HSD17B12: variants seen among roughly 807,000 people sequenced by gnomAD.
The protein encoded by HSD17B12 is hydroxysteroid 17-beta dehydrogenase 12.
HSD17B12 carries 32 observed loss-of-function variants against 39.3 expected under a neutral mutation model. The observed-to-expected ratio is 0.81, with a 90% confidence interval of 0.61 to 1.09. The LOEUF (loss-of-function observed/expected upper bound fraction) is 1.09, where lower values mean the gene tolerates loss of function less well. Ranked by LOEUF, HSD17B12 falls within the 50% of genes least tolerant of loss-of-function variation. HSD17B12 has a pLI of 0.00. For missense variants in HSD17B12, 342 were observed against 382.9 expected (o/e 0.89, Z 0.89); for synonymous variants, 150 against 146.7 (o/e 1.02, Z -0.16).
the HSD17B12 span, among the ~76,000 whole-genome samples, chr11:43,634,056 A>G: frequency 8.3e-6 from 1 of 121,154 alleles, no homozygotes; most frequent in Non-Finnish European, 1.6e-5. Flanking sequence ...CCTGGGCAAC[A>G]AGAGCAAAAA....
intron 3 of HSD17B12, among the ~76,000 whole-genome samples, chr11:43,788,685 CAAAAAAAAAA>C (rs57970272): frequency 2.0e-5 from 2 of 100,916 alleles, no homozygotes; most frequent in African/African-American, 4.1e-5. Context: ...TTTCCTTCCT[CAAAAAAAAAA>C]AAAAAAAAAA....
chr11:43,741,183 A>T (rs1478913812), intron 1 of HSD17B12, among the ~76,000 whole-genome samples: 2 of 152,222 alleles, frequency 1.3e-5, no homozygotes, highest in Non-Finnish European at 2.9e-5. Context: ...ACATTGATTA[A>T]TATTTTTAAA....
chr11:43,669,656 A>G, the HSD17B12 span, among the ~76,000 whole-genome samples: 1 of 152,132 alleles, frequency 6.6e-6, no homozygotes. Flanking sequence ...GGCCATTTTG[A>G]ACGTTCCTTG....
At chr11:43,780,380 C>G (rs570284631) in intron 3 of HSD17B12, among the ~76,000 whole-genome samples, 1 of 152,236 alleles carries the variant, frequency 6.6e-6, no homozygotes, top group South Asian at 2.1e-4. Flanking sequence ...GTTGACCAGG[C>G]TGATCTCAAA....
chr11:43,852,313 G>A (rs1346907721), intron 9 of HSD17B12: 3 of 152,272 alleles, frequency 2.0e-5, no homozygotes, highest in Non-Finnish European at 2.9e-5. Context: ...TGTTACATAC[G>A]AAGGGAGGGA....
chr11:43,757,458 C>A (rs1950516208), intron 3 of HSD17B12, among the ~76,000 whole-genome samples: 1 of 149,846 alleles, frequency 6.7e-6, no homozygotes, highest in South Asian at 2.1e-4. Context: ...AAGGTGAAAC[C>A]CCGTCTCTAC....
At chr11:43,706,657 A>G (rs1273109535) in intron 1 of HSD17B12, among the ~76,000 whole-genome samples, 1 of 148,516 alleles carries the variant, frequency 6.7e-6, no homozygotes, top group Non-Finnish European at 1.5e-5. Context: ...GAGATTCAGT[A>G]ACTTAGTCAA....
chr11:43,721,511 C>T (rs373772612), intron 1 of HSD17B12, among the ~76,000 whole-genome samples: 1 of 151,998 alleles, frequency 6.6e-6, no homozygotes, highest in Non-Finnish European at 1.5e-5. Context: ...CCCAGCTACT[C>T]GGGAGGCTAA....
chr11:43,712,619 C>A (rs577936114), intron 1 of HSD17B12, among the ~76,000 whole-genome samples: 1 of 152,032 alleles, frequency 6.6e-6, no homozygotes, highest in Non-Finnish European at 1.5e-5. Context: ...GTAAATCTTA[C>A]GTGTATTGAT....
chr11:43,640,179 G>A, the HSD17B12 span, among the ~76,000 whole-genome samples: 1 of 151,882 alleles, frequency 6.6e-6, no homozygotes. Context: ...TTAGAAAACT[G>A]GTGTAGGAAA....
chr11:43,838,911 T>A (rs867493772), intron 8 of HSD17B12, among the ~76,000 whole-genome samples: 1 of 152,136 alleles, frequency 6.6e-6, no homozygotes, highest in South Asian at 2.1e-4. Context: ...TTGTCACTTT[T>A]GGGGTGAGAC....
chr11:43,595,022 T>A, the HSD17B12 span, among the ~76,000 whole-genome samples: 1 of 152,160 alleles, frequency 6.6e-6, no homozygotes, highest in Non-Finnish European at 1.5e-5. Flanking sequence ...ACGGTCTTGG[T>A]GAAATACCAC....
the HSD17B12 span, among the ~76,000 whole-genome samples, chr11:43,566,345 G>T: frequency 6.6e-6 from 1 of 152,002 alleles, no homozygotes; most frequent in Non-Finnish European, 1.5e-5. Context: ...TCTTATTCTG[G>T]GTTCCTTCTG....
the HSD17B12 span, among the ~76,000 whole-genome samples, chr11:43,656,240 T>C: frequency 1.6e-4 from 24 of 151,906 alleles, no homozygotes; most frequent in Admixed American, 7.9e-4. Context: ...TTCTGTGGGA[T>C]CATTTCCCCC....
chr11:43,689,572 G>T (rs1346997280), intron 1 of HSD17B12, among the ~76,000 whole-genome samples: 2 of 151,502 alleles, frequency 1.3e-5, no homozygotes, highest in Non-Finnish European at 2.9e-5. Flanking sequence ...TTTGAAGCTG[G>T]GTCCTGCTCT....
rs756688621 is a variant in HSD17B12 at position 43,854,772 on chromosome 11, G to A, written c.742G>A (p.Asp248Asn). ...GGCTAAAATCCGGAAGCCAACTTTG[G>A]ATAAGCCCTCTCCGGAGACGTTTGT... ...KLAKIRKPTL[D>N]KPSPETFVKS... is the part of the protein sequence containing the mutation. Residue 248 changes from aspartate to asparagine, a missense_variant, in exon 10 of 11, where the codon GAT becomes AAT. Transcript: ENST00000278353. 6.2e-7 allele frequency: 1 copy of A among 1,614,126 alleles called. No homozygotes were observed. Among genetic ancestry groups the A allele is most frequent in the Non-Finnish European group, 8.5e-7 (1 of 1,180,018 alleles).
chr11:43,847,664 GTCACTGCAC>G (rs145833344), intron 9 of HSD17B12, among the ~76,000 whole-genome samples: 3,447 of 138,218 alleles, frequency 0.025, 145 homozygotes, highest in African/African-American at 0.088. Context: ...CTGTGATGGT[GTCACTGCAC>G]TCCAGCCTCG....
At chr11:43,775,489 T>A (rs1950691587) in intron 3 of HSD17B12, among the ~76,000 whole-genome samples, 1 of 152,134 alleles carries the variant, frequency 6.6e-6, no homozygotes, top group Admixed American at 6.6e-5. Flanking sequence ...TAAGAATTTT[T>A]TTTTTAAGTT....
At chr11:43,733,860 C>T (rs1176965353) in intron 1 of HSD17B12, 4 of 676,466 alleles carry the variant, frequency 5.9e-6, no homozygotes, top group Non-Finnish European at 1.1e-5. Context: ...ATGCTGGGCA[C>T]AGAGCTGCGA....
Sources: gnomAD v4.1 joint callset for allele counts (sites outside exome capture counted in the v4.1 genomes callset) on GRCh38, gnomAD v4.1.1 for gene constraint, MANE v1.5 for transcripts, NCBI Gene and HGNC (gene_info 2026-07-23, HGNC 2026-07-21) for gene names.